The following KIR3DL2 variants were observed in gnomAD, a reference collection of about 807,000 sequenced individuals.
KIR3DL2 encodes killer cell immunoglobulin-like receptor 3DL2.
Under a neutral mutation model 41.6 loss-of-function variants are expected in KIR3DL2, and 42 were observed. That is an observed-to-expected ratio of 1.01 (90% confidence interval 0.79 to 1.31). The LOEUF (loss-of-function observed/expected upper bound fraction) is 1.31, where lower values mean the gene tolerates loss of function less well. KIR3DL2 is among the 50% of genes most tolerant of loss of function. The pLI, the probability that KIR3DL2 is intolerant of heterozygous loss-of-function variation, is 0.00. For missense variants in KIR3DL2, 728 were observed against 576.8 expected (o/e 1.26, Z -2.68); for synonymous variants, 230 against 221.3 (o/e 1.04, Z -0.35).
In KIR3DL2 at chr19:54,851,987, T is replaced by G. The variant is rs2064287843; in HGVS notation, c.71-11T>G. 3 of 1,607,454 alleles carry G rather than the reference T, an allele frequency of 1.9e-6. No homozygotes were observed. The highest frequency in any genetic ancestry group is 1.7e-6 in the Non-Finnish European group (2 of 1,176,262). ...TCCTCCTCTCTAAGGCAGTGCCTCC[T>G]TCTCCCCCAGGTGGTCAGGACAAAC... On this transcript the variant is annotated splice_polypyrimidine_tract_variant and intron_variant, in intron 2 of 8. Coordinates refer to ENST00000326321, the MANE Select transcript of KIR3DL2 (RefSeq NM_006737.4).
chr19:54,867,115 A>G lies in KIR3DL2; in HGVS notation c.*384A>G. On this transcript the variant is annotated 3_prime_UTR_variant, in exon 9 of 9. Transcript: ENST00000326321. ...ATGCTGTTCCACCTCCCCTCAGACT[A>G]TCTTTCAGCCTTCTGTCATCAGTAA... 1 of 246,812 alleles carries G rather than the reference A, an allele frequency of 4.1e-6. No homozygotes were observed. Among genetic ancestry groups the G allele is most frequent in the East Asian group, 1.0e-4 (1 of 9,986 alleles). 15.3% of individuals were successfully genotyped at this position (246,812 alleles called of 1,614,324 possible). A position where few individuals can be genotyped will look rare whatever the true frequency, so the allele number is the denominator to read the frequency against.
intron 4 of KIR3DL2, among the ~76,000 whole-genome samples, chr19:54,855,188 T>C (rs2064641854): frequency 6.6e-6 from 1 of 150,940 alleles, no homozygotes; most frequent in Non-Finnish European, 1.5e-5. Context: ...CATAGATGAT[T>C]GATGGATAGA....
In KIR3DL2 at chr19:54,866,652, A is replaced by T; in HGVS notation, c.1289A>T (p.Glu430Val). The T allele has an allele frequency of 1.2e-6, 2 of 1,614,004 alleles. No homozygotes were observed. Among genetic ancestry groups the T allele is most frequent in the Non-Finnish European group, 1.7e-6 (2 of 1,179,968 alleles). The part of the protein sequence containing the change: ...TPLTDTSVYT[E>V]LPNAEPRSKV... ...CTAACAGATACCAGCGTGTACACGG[A>T]ACTTCCAAATGCTGAGCCCAGATCC... Residue 430 changes from glutamate (E) to valine (V), a missense_variant, in exon 9 of 9, where the codon GAA becomes GTA. By Grantham distance (121) the Glu-to-Val change is moderately radical (BLOSUM62 -2). Coordinates refer to ENST00000326321, the MANE Select transcript of KIR3DL2 (RefSeq NM_006737.4).
At chr19:54,851,639 C>A (rs1270034038) in intron 2 of KIR3DL2, among the ~76,000 whole-genome samples, 2 of 151,654 alleles carry the variant, frequency 1.3e-5, no homozygotes, top group East Asian at 1.9e-4. Context: ...GGGGGGAAAC[C>A]ACAGCCATGG....
chr19:54,861,912 C>T (rs1262442938), intron 6 of KIR3DL2, among the ~76,000 whole-genome samples: 1 of 151,836 alleles, frequency 6.6e-6, no homozygotes, highest in Non-Finnish European at 1.5e-5. Context: ...AACTTTCCCC[C>T]TCACCCAAAT....
chr19:54,852,124 G>T lies in KIR3DL2; in HGVS notation c.197G>T (p.Ser66Ile), dbSNP rs369486424. 5.5e-5 allele frequency: 88 copies of T among 1,611,936 alleles called. 4 individuals are homozygous for T. The African/African-American group carries it at 7.0e-4, about 13-fold the overall frequency. Reference protein sequence around the residue: ...NNFMLYKEDRSHVPIFHGRIF... With the variant: ...NNFMLYKEDRIHVPIFHGRIF... ...TTCATGCTGTACAAAGAAGACAGAA[G>T]CCACGTTCCCATCTTCCACGGCAGA... Residue 66 changes from serine to isoleucine, a missense_variant, in exon 3 of 9, where the codon AGC becomes ATC. Physicochemically the swap from Ser to Ile is moderately radical, Grantham distance 142 (BLOSUM62 -2). Transcript: ENST00000326321.
chr19:54,851,755 G>A (rs1000366378), intron 2 of KIR3DL2, among the ~76,000 whole-genome samples: 9 of 151,918 alleles, frequency 5.9e-5, no homozygotes, highest in South Asian at 2.1e-4. Context: ...GTTGTTTTAT[G>A]TGAGTAATTT....
At chr19:54,856,956 A>G (rs1324690730) in intron 5 of KIR3DL2, among the ~76,000 whole-genome samples, 2 of 152,036 alleles carry the variant, frequency 1.3e-5, no homozygotes, top group South Asian at 2.1e-4. Flanking sequence ...AGGTAGGTTG[A>G]CTCCACATCT....
Position 54,852,126 on chromosome 19 carries a change from C to T in KIR3DL2, c.199C>T (p.His67Tyr). 1.9e-6 allele frequency: 3 copies of T among 1,613,114 alleles called. No individual in the cohort carries two copies. Among genetic ancestry groups the T allele is most frequent in the Non-Finnish European group, 2.5e-6 (3 of 1,179,662 alleles). The change falls in exon 3 of 9, where the codon CAC becomes TAC. Residue 67 changes from histidine to tyrosine, a missense_variant. His to Tyr is a moderately conservative substitution (Grantham distance 83). Transcript: ENST00000326321. ...NFMLYKEDRSHVPIFHGRIFQ... is the reference protein window; with the variant it reads ...NFMLYKEDRSYVPIFHGRIFQ... ...CATGCTGTACAAAGAAGACAGAAGCCACGTTCCCATCTTCCACGGCAGAAT... is the reference window on the plus strand; with the variant it reads ...CATGCTGTACAAAGAAGACAGAAGCTACGTTCCCATCTTCCACGGCAGAAT...
intron 6 of KIR3DL2, among the ~76,000 whole-genome samples, chr19:54,864,506 A>G (rs1163772776): frequency 1.3e-5 from 2 of 151,978 alleles, no homozygotes; most frequent in African/African-American, 2.4e-5. Context: ...ATGTTCTTCC[A>G]TTTGTTTGTA....
chr19:54,855,633 C>A lies in KIR3DL2; in HGVS notation c.670C>A (p.Pro224Thr), dbSNP rs1437478750. Residue 224 changes from proline to threonine, a missense_variant, in exon 5 of 9, where the codon CCT (proline) becomes ACT (threonine). By Grantham distance (38) the Pro-to-Thr change is conservative (BLOSUM62 -1). Coordinates refer to ENST00000326321, the MANE Select transcript of KIR3DL2 (RefSeq NM_006737.4). ...TCTCCTTCCAGGTCTATATGAGAAA[C>A]CTTCTCTCTCAGCCCAGCCGGGCCC... Reference protein sequence around the residue: ...DIVITGLYEKPSLSAQPGPTV... With the variant: ...DIVITGLYEKTSLSAQPGPTV... 4 of 1,612,900 alleles carry A rather than the reference C, an allele frequency of 2.5e-6. No individual in the cohort carries two copies. Among genetic ancestry groups the A allele is most frequent in the East Asian group, 2.2e-5 (1 of 44,892 alleles).
rs1179811461 is a variant in KIR3DL2, at chr19:54,852,123, A to G, written c.196A>G (p.Ser66Gly). The G allele has an allele frequency of 1.9e-6, 3 of 1,613,024 alleles. No homozygotes were observed. Among genetic ancestry groups the G allele is most frequent in the Non-Finnish European group, 2.5e-6 (3 of 1,179,644 alleles). Residue 66 changes from serine (S) to glycine (G), a missense_variant, in exon 3 of 9, where the codon AGC becomes GGC. By Grantham distance (56) the Ser-to-Gly change is moderately conservative. Coordinates refer to ENST00000326321, the MANE Select transcript of KIR3DL2 (RefSeq NM_006737.4). ...TTTCATGCTGTACAAAGAAGACAGA[A>G]GCCACGTTCCCATCTTCCACGGCAG... ...NNFMLYKEDRSHVPIFHGRIF... is the reference protein window; with the variant it reads ...NNFMLYKEDRGHVPIFHGRIF...
intron 4 of KIR3DL2, among the ~76,000 whole-genome samples, chr19:54,854,751 A>G (rs1242367633): frequency 6.6e-6 from 1 of 151,866 alleles, no homozygotes; most frequent in African/African-American, 2.4e-5. Context: ...ACACACAAAA[A>G]GAAAGAAAAG....
chr19:54,865,030 C>T (rs1404518097), intron 6 of KIR3DL2, among the ~76,000 whole-genome samples: 1 of 151,936 alleles, frequency 6.6e-6, no homozygotes, highest in Admixed American at 6.6e-5. Flanking sequence ...GAGATACGTC[C>T]CATCAATGCC....
intron 1 of KIR3DL2, among the ~76,000 whole-genome samples, chr19:54,850,717 C>T (rs2064128553): frequency 2.3e-5 from 3 of 128,982 alleles, no homozygotes; most frequent in African/African-American, 6.2e-5. Context: ...GAGATATGGG[C>T]CTGGAGTGGA....
At chr19:54,851,091 G>A (rs1601715397) in intron 1 of KIR3DL2, 129 bp from the exon 2 acceptor site, 5 of 1,166,982 alleles carry the variant, frequency 4.3e-6, no homozygotes, top group Non-Finnish European at 6.4e-6. Flanking sequence ...TTGGCAGCAG[G>A]TAGCAGGGAG....
Position 54,852,158 on chromosome 19 carries a change from G to C in KIR3DL2, c.231G>C (p.Gln77His). ...CCATCTTCCACGGCAGAATATTCCA[G>C]GAGAGCTTCATCATGGGCCCTGTGA... ...HVPIFHGRIFQESFIMGPVTP... is the reference protein window; with the variant it reads ...HVPIFHGRIFHESFIMGPVTP... The change falls in exon 3 of 9, where the codon CAG (glutamine) becomes CAC (histidine). Residue 77 changes from glutamine to histidine, a missense_variant. Gln to His is a conservative substitution (Grantham distance 24). Coordinates refer to ENST00000326321, the MANE Select transcript of KIR3DL2 (RefSeq NM_006737.4). The C allele has an allele frequency of 6.2e-7, 1 of 1,613,056 alleles. No homozygotes were observed. The highest frequency in any genetic ancestry group is 8.5e-7 in the Non-Finnish European group (1 of 1,179,634).
At chr19:54,860,514 C>A (rs1272793385) in intron 6 of KIR3DL2, among the ~76,000 whole-genome samples, 1 of 151,946 alleles carries the variant, frequency 6.6e-6, no homozygotes, top group African/African-American at 2.4e-5. Context: ...GGATTACAGA[C>A]CACAACCACC....
At chr19:54,853,370 C>T (rs1243189034) in intron 3 of KIR3DL2, among the ~76,000 whole-genome samples, 2 of 151,690 alleles carry the variant, frequency 1.3e-5, no homozygotes, top group Non-Finnish European at 2.9e-5. Context: ...TGAGTTGATA[C>T]CTCTGCCAGA....
Sources: gnomAD v4.1 joint callset for allele counts (sites outside exome capture counted in the v4.1 genomes callset) on GRCh38, gnomAD v4.1.1 for gene constraint, MANE v1.5 for transcripts, NCBI Gene and HGNC (gene_info 2026-07-23, HGNC 2026-07-21) for gene names.